The following MYRF variants were observed in gnomAD, a reference collection of about 807,000 sequenced individuals.
The protein encoded by MYRF is myelin gene regulatory factor.
Under a neutral mutation model 126.3 loss-of-function variants are expected in MYRF, and 16 were observed. That is an observed-to-expected ratio of 0.13 (90% confidence interval 0.09 to 0.19). The LOEUF is 0.19. Among genes scored for constraint, MYRF ranks in the 10% least tolerant of loss-of-function variants. The probability of loss-of-function intolerance (pLI) is 1.00; values close to 1 mark genes in which losing one functional copy is unlikely to be tolerated. For missense variants in MYRF, 1,104 were observed against 1,547.0 expected (o/e 0.71, Z 4.80); for synonymous variants, 608 against 635.3 (o/e 0.96, Z 0.65).
chr11:61,777,832 C>T lies in MYRF; in HGVS notation c.1890C>T (p.Thr630=), dbSNP rs2066430276. 6.4e-7 allele frequency: 1 copy of T among 1,552,152 alleles called. No individual in the cohort carries two copies. Among genetic ancestry groups the T allele is most frequent in the Non-Finnish European group, 8.7e-7 (1 of 1,147,436 alleles). The change falls in exon 13 of 27, where the codon ACC becomes ACT. Residue 630 remains threonine, a synonymous_variant. Coordinates refer to ENST00000278836, the MANE Select transcript of MYRF (RefSeq NM_001127392.3). This position sits in a 1 kb window ranked among gnomAD's most constrained non-coding sequence, Gnocchi z 8.8. The part of the protein sequence containing the change: ...EFAASAGIEA[T]APETGVIAQE... The stretch of plus-strand genomic sequence containing the variant: ...CCGCCAGCGCGGGCATCGAGGCCAC[C>T]GCGCCAGAGACAGGTAGGGACCGGG...
Position 61,776,202 on chromosome 11 carries a change from G to C in MYRF, c.1388+70G>C, listed in dbSNP as rs2066377321. On this transcript the variant is annotated intron_variant, in intron 9 of 26. Transcript: ENST00000278836. The surrounding 1 kb of genome is among the most constrained non-coding windows in gnomAD (Gnocchi z 4.3). ...AACTAAAGCTGGCTTGGGAATGGAG[G>C]GGCCAGGGAGGTACCCAGGGTGTCC... The C allele has an allele frequency of 6.3e-7, 1 of 1,588,140 alleles. No homozygotes were observed. The highest frequency in any genetic ancestry group is 1.3e-5 in the African/African-American group (1 of 74,432).
chr11:61,766,993 G>A (rs1193066599), intron 3 of MYRF: 4 of 455,882 alleles, frequency 8.8e-6, no homozygotes, highest in Admixed American at 2.4e-5. Context: ...CGTCTGCCTC[G>A]GTAACCCATG....
At chr11:61,779,081 G>A in intron 14 of MYRF, 182 bp from the exon 15 acceptor site, 1 of 655,924 alleles carries the variant, frequency 1.5e-6, no homozygotes, top group South Asian at 1.8e-5. Flanking sequence ...ACAGGCACAG[G>A]AGCTGTGGGA....
At chr11:61,780,831 T>TGCCCCTCTTCCTGCC in intron 19 of MYRF, 39 bp downstream of exon 19, 1 of 1,554,494 alleles carries the variant, frequency 6.4e-7, no homozygotes, top group Non-Finnish European at 8.7e-7. Context: ...TGGCTCCTGC[T>TGCCCCTCTTCCTGCC]GCCCCTCTTC....
chr11:61,753,080 T>A (rs1024157442), intron 1 of MYRF, among the ~76,000 whole-genome samples: 1 of 152,046 alleles, frequency 6.6e-6, no homozygotes, highest in Non-Finnish European at 1.5e-5. Flanking sequence ...ACCCGGAACT[T>A]TCCCTAAATT....
chr11:61,770,067 C>T (rs1198532303), intron 4 of MYRF, among the ~76,000 whole-genome samples, 179 bp from the exon 5 acceptor site: 1 of 151,952 alleles, frequency 6.6e-6, no homozygotes, highest in African/African-American at 2.4e-5. Context: ...TTGTGCCTCC[C>T]TGCCCAGGCC....
intron 25 of MYRF, 200 bp downstream of exon 25, chr11:61,784,585 G>A (rs2066644268): frequency 1.7e-6 from 1 of 576,462 alleles, no homozygotes; most frequent in Non-Finnish European, 3.1e-6. Flanking sequence ...ACTCTGCTGA[G>A]CATCTCCCAG....
Position 61,781,810 on chromosome 11 carries a change from C to T in MYRF, c.3002C>T (p.Ala1001Val), listed in dbSNP as rs779156304. 1.3e-6 allele frequency: 2 copies of T among 1,567,858 alleles called. No homozygotes were observed. Among genetic ancestry groups the T allele is most frequent in the Non-Finnish European group, 1.7e-6 (2 of 1,161,148 alleles). The change falls in exon 22 of 27, where the codon GCC becomes GTC. Residue 1001 changes from alanine (A) to valine (V), a missense_variant. Coordinates refer to ENST00000278836, the MANE Select transcript of MYRF (RefSeq NM_001127392.3). Reference protein sequence around the residue: ...SSVGPAEPTWAQGQSASLLAE... With the variant: ...SSVGPAEPTWVQGQSASLLAE... The stretch of plus-strand genomic sequence containing the variant: ...GTGGGCCCTGCTGAGCCCACCTGGG[C>T]CCAGGGCCAGTCAGGTACTTGCTGC...
chr11:61,783,614 C>T lies in MYRF; in HGVS notation c.3119+14C>T, dbSNP rs1223619564. On this transcript the variant is annotated intron_variant, in intron 23 of 26. Transcript: ENST00000278836. This position sits in a 1 kb window ranked among gnomAD's most constrained non-coding sequence, Gnocchi z 4.6. The stretch of plus-strand genomic sequence containing the variant: ...GGATGCCTGCAGGTGGGCTGGGCTC[C>T]CTCCCCTCACCCAGGGAGGTCCTCA... 1.2e-6 allele frequency: 2 copies of T among 1,608,006 alleles called. No individual in the cohort carries two copies. Among genetic ancestry groups the T allele is most frequent in the Non-Finnish European group, 1.7e-6 (2 of 1,175,466 alleles).
Position 61,785,782 on chromosome 11 carries a change from T to C in MYRF, c.3301-18T>C, listed in dbSNP as rs1219420797. Reference sequence around the variant, plus strand: ...AAGGGCAGCAGTCTGTCCTGACCCCTCTCTCCCTTCTCTCCAGGGCACCTC... The same window carrying C: ...AAGGGCAGCAGTCTGTCCTGACCCCCCTCTCCCTTCTCTCCAGGGCACCTC... On this transcript the variant is annotated intron_variant, in intron 25 of 26. Coordinates refer to ENST00000278836, the MANE Select transcript of MYRF (RefSeq NM_001127392.3). 1.9e-6 allele frequency: 3 copies of C among 1,611,188 alleles called. No individual in the cohort carries two copies. Among genetic ancestry groups the C allele is most frequent in the Non-Finnish European group, 1.7e-6 (2 of 1,177,438 alleles).
At position 61,776,020 on chromosome 11, in the gene MYRF, C is replaced by T. The variant is rs950320827; in HGVS notation, c.1312-36C>T. On this transcript the variant is annotated intron_variant, in intron 8 of 26. Transcript: ENST00000278836. This position sits in a 1 kb window ranked among gnomAD's most constrained non-coding sequence, Gnocchi z 4.3. ...AGGAGGGCAGGACCAGCCGGGTAGC[C>T]CCATCCTGAGGTGCCACTGGCTTCA... 6.2e-7 allele frequency: 1 copy of T among 1,606,754 alleles called. No individual in the cohort carries two copies. The highest frequency in any genetic ancestry group is 8.5e-7 in the Non-Finnish European group (1 of 1,173,662).
At chr11:61,775,323 G>T (rs117193925) in intron 8 of MYRF, among the ~76,000 whole-genome samples, 1 of 151,920 alleles carries the variant, frequency 6.6e-6, no homozygotes, top group Non-Finnish European at 1.5e-5. Flanking sequence ...TGGTACCATC[G>T]CAGCCCCCGC....
In MYRF at chr11:61,770,412, C is replaced by T. The variant is rs1274009126; in HGVS notation, c.627C>T (p.Ala209=). 15 of 1,551,676 alleles carry T rather than the reference C, an allele frequency of 9.7e-6. No homozygotes were observed. The highest frequency in any genetic ancestry group is 4.8e-5 in the East Asian group (2 of 41,286). Reference sequence around the variant, plus strand: ...TGCAGCGGGATCTGTACATGAAGGCCGAGCCCCCGATCCCCCACTACGCTG... The same window carrying T: ...TGCAGCGGGATCTGTACATGAAGGCTGAGCCCCCGATCCCCCACTACGCTG... ...PVLQRDLYMK[A]EPPIPHYAAM... Residue 209 remains alanine, a synonymous_variant, in exon 5 of 27, where the codon GCC becomes GCT. Coordinates refer to ENST00000278836, the MANE Select transcript of MYRF (RefSeq NM_001127392.3).
In MYRF at chr11:61,786,404, C is replaced by A; in HGVS notation, c.*261C>A. The A allele has an allele frequency of 1.9e-6, 1 of 530,178 alleles. No homozygotes were observed. The highest frequency in any genetic ancestry group is 3.4e-6 in the Non-Finnish European group (1 of 293,228). 32.8% of individuals were successfully genotyped at this position (530,178 alleles called of 1,614,324 possible). A position where few individuals can be genotyped will look rare whatever the true frequency, so the allele number is the denominator to read the frequency against. On this transcript the variant is annotated 3_prime_UTR_variant, in exon 27 of 27. Coordinates refer to ENST00000278836, the MANE Select transcript of MYRF (RefSeq NM_001127392.3). This position sits in a 1 kb window ranked among gnomAD's most constrained non-coding sequence, Gnocchi z 4.5. Reference sequence around the variant, plus strand: ...CACCCCCTAGGGGCCAGGACAGGACCAGTTTACCTCTTTCCAGATATGGTG... The same window carrying A: ...CACCCCCTAGGGGCCAGGACAGGACAAGTTTACCTCTTTCCAGATATGGTG...
intron 14 of MYRF, 113 bp from the exon 15 acceptor site, chr11:61,779,150 G>A: frequency 8.2e-7 from 1 of 1,214,512 alleles, no homozygotes; most frequent in Non-Finnish European, 1.1e-6. Flanking sequence ...CCTCCCAGTG[G>A]CCAAGGACAG....
At chr11:61,779,639 G>A in intron 16 of MYRF, 69 bp downstream of exon 16, 2 of 1,398,128 alleles carry the variant, frequency 1.4e-6, no homozygotes, top group Non-Finnish European at 1.9e-6. Context: ...TTTCTGGCTT[G>A]CAGTTCTCCA....
At chr11:61,779,772 C>A in intron 16 of MYRF, 70 bp from the exon 17 acceptor site, 1 of 1,468,232 alleles carries the variant, frequency 6.8e-7, no homozygotes, top group Non-Finnish European at 9.4e-7. Flanking sequence ...CTCCGACCTC[C>A]AGCAGAGCCC....
rs1165189536 is a variant in MYRF at position 61,783,451 on chromosome 11, G to C, written c.3017-47G>C. ...AAGTCTGGCAAGGAAAGACTTGCCA[G>C]CTTCTCATTTGTGTCCTGCCTTGTC... On this transcript the variant is annotated intron_variant, in intron 22 of 26. Transcript: ENST00000278836. This position sits in a 1 kb window ranked among gnomAD's most constrained non-coding sequence, Gnocchi z 4.6. 1 of 1,467,662 alleles carries C rather than the reference G, an allele frequency of 6.8e-7. No individual in the cohort carries two copies. Among genetic ancestry groups the C allele is most frequent in the Non-Finnish European group, 9.5e-7 (1 of 1,052,146 alleles). 90.9% of individuals were successfully genotyped at this position (1,467,662 alleles called of 1,614,324 possible).
At chr11:61,763,252 T>C (rs924766579) in intron 1 of MYRF, among the ~76,000 whole-genome samples, 10 of 152,162 alleles carry the variant, frequency 6.6e-5, no homozygotes, top group African/African-American at 2.2e-4. Context: ...CCATGTTGCC[T>C]TGGGTAAGAG....
Sources: allele counts gnomAD v4.1 joint callset (sites outside exome capture counted in the v4.1 genomes callset), GRCh38; gene constraint gnomAD v4.1.1; non-coding constraint Gnocchi (gnomAD v3.1); transcripts MANE v1.5; gene names NCBI Gene and HGNC (gene_info 2026-07-23, HGNC 2026-07-21).